The following ZSWIM6 variants were observed in gnomAD, a reference collection of about 807,000 sequenced individuals.
ZSWIM6 encodes zinc finger SWIM domain-containing protein 6.
A neutral mutation model predicts 113.2 loss-of-function variants in ZSWIM6; 9 were observed. That is an observed-to-expected ratio of 0.08 (90% CI 0.05 to 0.14). The LOEUF is 0.14. Among genes scored for constraint, ZSWIM6 ranks in the 10% least tolerant of loss-of-function variants. The pLI is 1.00. For missense variants in ZSWIM6, 1,162 were observed against 1,552.2 expected (o/e 0.75, Z 4.22); for synonymous variants, 611 against 606.5 (o/e 1.01, Z -0.11).
chr5:61,343,788 T>G (rs1744596765), intron 1 of ZSWIM6, among the ~76,000 whole-genome samples: 1 of 152,138 alleles, frequency 6.6e-6, no homozygotes, highest in South Asian at 2.1e-4. Context: ...AGTTGTTTTA[T>G]GTGAGCAAAC....
In ZSWIM6 at chr5:61,332,619, G is replaced by C. The variant is rs1387721357; in HGVS notation, c.347G>C (p.Arg116Pro). 1.6e-6 allele frequency: 2 copies of C among 1,259,586 alleles called. No homozygotes were observed. The highest frequency in any genetic ancestry group is 2.1e-6 in the Non-Finnish European group (2 of 968,422). The allele number at this position is 1,259,586 out of a possible 1,614,324, so 78.0% of individuals were successfully genotyped here. The stretch of plus-strand genomic sequence containing the variant: ...CGCATAGTCTATTGGTCCTTCCCCC[G>C]CAGCGAGCGGGAGATCTGCATGTAC... ...QRRIVYWSFP[R>P]SEREICMYSS... The change falls in exon 1 of 14, where the codon CGC (arginine) becomes CCC (proline). Residue 116 changes from arginine to proline, a missense_variant. Physicochemically the swap from Arg to Pro is moderately radical, Grantham distance 103. This residue lies in a region of ZSWIM6 where 333 missense variants were observed against 293.4 expected (regional missense o/e 1.13). Coordinates refer to ENST00000252744, the MANE Select transcript of ZSWIM6 (RefSeq NM_020928.2).
chr5:61,415,071 G>A (rs879677825), intron 1 of ZSWIM6, among the ~76,000 whole-genome samples: 2 of 152,198 alleles, frequency 1.3e-5, no homozygotes, highest in Non-Finnish European at 2.9e-5. Flanking sequence ...TCCCAGGTTT[G>A]ACTGGCACCA....
chr5:61,373,761 C>T (rs1402856824), intron 1 of ZSWIM6, among the ~76,000 whole-genome samples: 2 of 152,092 alleles, frequency 1.3e-5, no homozygotes. Flanking sequence ...TCTGGCCCCA[C>T]CTACTTCTTT....
intron 1 of ZSWIM6, among the ~76,000 whole-genome samples, chr5:61,456,231 T>C (rs1747203108): frequency 1.3e-5 from 2 of 152,166 alleles, no homozygotes; most frequent in Admixed American, 1.3e-4. Context: ...TTTTCATATA[T>C]TTATTTAGAA....
At chr5:61,510,513 T>TC (rs1447111016) in intron 4 of ZSWIM6, among the ~76,000 whole-genome samples, 1 of 151,832 alleles carries the variant, frequency 6.6e-6, no homozygotes, top group African/African-American at 2.4e-5. Context: ...TTTTTTTTTT[T>TC]CTTCCCTGGG....
intron 1 of ZSWIM6, among the ~76,000 whole-genome samples, chr5:61,373,750 A>G (rs560978123): frequency 2.0e-5 from 3 of 152,216 alleles, no homozygotes; most frequent in African/African-American, 7.2e-5. Flanking sequence ...GCCCTTCATC[A>G]TCTGGCCCCA....
In ZSWIM6 at chr5:61,420,692, TAGTG is replaced by T. The variant is rs373703236; in HGVS notation, c.677-51985_677-51982del. Among the ~76,000 whole-genome samples the T allele has an allele frequency of 3.2e-4, 48 of 152,258 alleles. 1 individual carries two copies. Among genetic ancestry groups the T allele is most frequent in the African/African-American group, 9.1e-4 (38 of 41,560 alleles). On this transcript the variant is annotated intron_variant, in intron 1 of 13. Coordinates refer to ENST00000252744, the MANE Select transcript of ZSWIM6 (RefSeq NM_020928.2). ...TTAATTTTTAATTTTTGTGGGTACATAGTGAGTATGTATATTTATGGACTATATG... is the reference window on the plus strand; with the variant it reads ...TTAATTTTTAATTTTTGTGGGTACATAGTATGTATATTTATGGACTATATG...
intron 4 of ZSWIM6, among the ~76,000 whole-genome samples, chr5:61,516,250 C>G (rs1231023642): frequency 6.6e-6 from 1 of 150,548 alleles, no homozygotes; most frequent in Admixed American, 6.6e-5. Context: ...TCTTCCCTCT[C>G]TCTTTCTTTC....
intron 5 of ZSWIM6, among the ~76,000 whole-genome samples, chr5:61,524,168 A>G (rs1749216760): frequency 6.6e-6 from 1 of 152,236 alleles, no homozygotes; most frequent in East Asian, 1.9e-4. Context: ...TGATCAATTG[A>G]CTGTGAGAGG....
At chr5:61,375,473 C>G in intron 1 of ZSWIM6, 2 of 1,550,610 alleles carry the variant, frequency 1.3e-6, no homozygotes, top group Non-Finnish European at 1.8e-6. Flanking sequence ...TCTTCTGATT[C>G]TGAAGATGAG....
chr5:61,420,034 C>T (rs1354784732), intron 1 of ZSWIM6, among the ~76,000 whole-genome samples: 2 of 152,220 alleles, frequency 1.3e-5, no homozygotes, highest in Admixed American at 1.3e-4. Context: ...GATCATATCT[C>T]ACAGGATTGT....
chr5:61,518,182 G>A (rs13159445), intron 4 of ZSWIM6, among the ~76,000 whole-genome samples: 2 of 149,380 alleles, frequency 1.3e-5, no homozygotes, highest in Non-Finnish European at 3.0e-5. Flanking sequence ...TTAATCCAGT[G>A]TATGATTGTT....
intron 4 of ZSWIM6, among the ~76,000 whole-genome samples, chr5:61,512,453 A>G (rs1580053533): frequency 6.6e-6 from 1 of 152,242 alleles, no homozygotes; most frequent in East Asian, 1.9e-4. Flanking sequence ...GTGTGAACAT[A>G]AATTTGTATT....
chr5:61,473,102 C>A (rs556356409), intron 2 of ZSWIM6, 65 bp downstream of exon 2: 2 of 1,068,210 alleles, frequency 1.9e-6, no homozygotes, highest in South Asian at 2.0e-5. Flanking sequence ...AAATTCAATT[C>A]TTCTGCATAA....
chr5:61,473,482 T>C (rs770063430), intron 2 of ZSWIM6, among the ~76,000 whole-genome samples: 1 of 152,224 alleles, frequency 6.6e-6, no homozygotes, highest in Non-Finnish European at 1.5e-5. Flanking sequence ...ATAGCTTGTT[T>C]AGAGAGAATT....
chr5:61,392,606 C>T (rs1026801494), intron 1 of ZSWIM6, among the ~76,000 whole-genome samples: 14 of 152,020 alleles, frequency 9.2e-5, no homozygotes, highest in African/African-American at 2.2e-4. Flanking sequence ...TTCTGTTTAC[C>T]GGCATTTATT....
intron 2 of ZSWIM6, among the ~76,000 whole-genome samples, chr5:61,482,359 G>A (rs1747891841): frequency 6.7e-6 from 1 of 148,464 alleles, no homozygotes; most frequent in South Asian, 2.2e-4. Context: ...GGAGCGTGGG[G>A]GGTTAGGGGA....
At chr5:61,540,298 A>C (rs915058759) in intron 12 of ZSWIM6, among the ~76,000 whole-genome samples, 2 of 152,212 alleles carry the variant, frequency 1.3e-5, no homozygotes, top group African/African-American at 2.4e-5. Flanking sequence ...TGAGTTCGTC[A>C]TGCAGATAGA....
At chr5:61,346,987 G>C (rs1053166313) in intron 1 of ZSWIM6, 14 of 152,102 alleles carry the variant, frequency 9.2e-5, no homozygotes, top group African/African-American at 3.4e-4. Context: ...GGTTTTCACT[G>C]TTTTCATTAA....
Sources: allele counts gnomAD v4.1 joint callset (sites outside exome capture counted in the v4.1 genomes callset), GRCh38; gene constraint gnomAD v4.1.1; regional missense constraint gnomAD v4.1.1; transcripts MANE v1.5; gene names NCBI Gene and HGNC (gene_info 2026-07-23, HGNC 2026-07-21).